DEUP1: variants seen among roughly 807,000 people sequenced by gnomAD.
DEUP1 encodes the protein deuterosome assembly protein 1.
DEUP1 carries 82 observed loss-of-function variants against 87.4 expected under a neutral mutation model. The observed-to-expected ratio is 0.94, with a 90% CI of 0.78 to 1.13. The LOEUF (loss-of-function observed/expected upper bound fraction) is 1.13. DEUP1 is among the 50% of genes most tolerant of loss of function. The pLI, the probability that DEUP1 is intolerant of heterozygous loss-of-function variation, is 0.00. For missense variants in DEUP1, 663 were observed against 681.5 expected, an observed-to-expected ratio of 0.97 and a Z score of 0.30; for synonymous variants, 214 against 222.7, an observed-to-expected ratio of 0.96 and a Z score of 0.35.
At chr11:93,339,339 C>G (rs937687244) in intron 2 of DEUP1, among the ~76,000 whole-genome samples, 1 of 152,186 alleles carries the variant, frequency 6.6e-6, no homozygotes, top group Non-Finnish European at 1.5e-5. Context: ...GAGCAGCACA[C>G]AGCTAGGTGC....
At chr11:93,352,656 T>G in intron 2 of DEUP1, 2 of 547,248 alleles carry the variant, frequency 3.7e-6, no homozygotes, top group South Asian at 4.6e-5. Flanking sequence ...GAACTTACAG[T>G]TCTACATAGC....
At chr11:93,343,274 T>C (rs919140781) in intron 2 of DEUP1, among the ~76,000 whole-genome samples, 1 of 152,130 alleles carries the variant, frequency 6.6e-6, no homozygotes, top group Non-Finnish European at 1.5e-5. Flanking sequence ...CCAGGTTTAA[T>C]AGAAAAAGGG....
At chr11:93,331,868 AC>A (rs1422806809) in intron 1 of DEUP1, among the ~76,000 whole-genome samples, 1 of 151,934 alleles carries the variant, frequency 6.6e-6, no homozygotes, top group Admixed American at 6.6e-5. Flanking sequence ...AACATGCGAA[AC>A]CCCGTCCCTA....
At chr11:93,356,081 T>C (rs1944881509) in intron 3 of DEUP1, among the ~76,000 whole-genome samples, 1 of 152,118 alleles carries the variant, frequency 6.6e-6, no homozygotes, top group African/African-American at 2.4e-5. Flanking sequence ...TAGAAGAATA[T>C]ATGAGTGCTC....
Position 93,396,182 on chromosome 11 carries a change from T to C in DEUP1, c.1240-57T>C, listed in dbSNP as rs188912801. The C allele has an allele frequency of 2.9e-3, 3,122 of 1,083,186 alleles. 8 individuals are homozygous for C. Among genetic ancestry groups the C allele is most frequent in the Non-Finnish European group, 3.8e-3 (2,821 of 741,728 alleles). 67.1% of individuals were successfully genotyped at this position (1,083,186 alleles called of 1,614,324 possible). ...TTGTATTCACAAGACAAAATTTTAA[T>C]AGAATTATGAGTTTTTATTATGAAT... On this transcript the variant is annotated intron_variant, in intron 10 of 13. Transcript: ENST00000298050.
chr11:93,394,667 A>C lies in DEUP1; in HGVS notation c.1239+11A>C, dbSNP rs1040416131. 10 of 1,593,352 alleles carry C rather than the reference A, an allele frequency of 6.3e-6. No homozygotes were observed. The African/African-American group carries it at 1.3e-4, about 21-fold the overall frequency. ...TTAGCAAAACAAAAGGTATGCAAGCAGGCAGAATAGCACTTGTCTAGGGCA... is the reference window on the plus strand; with the variant it reads ...TTAGCAAAACAAAAGGTATGCAAGCCGGCAGAATAGCACTTGTCTAGGGCA... On this transcript the variant is annotated intron_variant, in intron 10 of 13. Coordinates refer to ENST00000298050, the MANE Select transcript of DEUP1 (RefSeq NM_181645.4).
intron 12 of DEUP1, among the ~76,000 whole-genome samples, chr11:93,409,821 A>G (rs971739674): frequency 1.3e-5 from 2 of 152,212 alleles, no homozygotes; most frequent in African/African-American, 4.8e-5. Flanking sequence ...CACAACTTGT[A>G]GTTCCATAAA....
intron 2 of DEUP1, among the ~76,000 whole-genome samples, chr11:93,337,501 T>G (rs1482725089): frequency 6.6e-6 from 1 of 152,198 alleles, no homozygotes; most frequent in Non-Finnish European, 1.5e-5. Flanking sequence ...ACCCCCTTAC[T>G]CTCCCTCTCT....
chr11:93,433,855 CA>C (rs1339446607), intron 13 of DEUP1, among the ~76,000 whole-genome samples: 1 of 152,154 alleles, frequency 6.6e-6, no homozygotes, highest in Non-Finnish European at 1.5e-5. Context: ...TGAATTGCAC[CA>C]CAGCATTTGT....
chr11:93,355,257 A>G, intron 2 of DEUP1, 114 bp from the exon 3 acceptor site: 1 of 961,570 alleles, frequency 1.0e-6, no homozygotes, highest in African/African-American at 1.6e-5. Flanking sequence ...TCCTATTTAA[A>G]TAATTGAACA....
chr11:93,359,165 C>T (rs1945041837), intron 4 of DEUP1, among the ~76,000 whole-genome samples: 1 of 152,164 alleles, frequency 6.6e-6, no homozygotes, highest in African/African-American at 2.4e-5. Flanking sequence ...AAAATGGTAT[C>T]TTGTGGCTAA....
chr11:93,333,289 G>A (rs1331121352), intron 2 of DEUP1, among the ~76,000 whole-genome samples: 1 of 152,084 alleles, frequency 6.6e-6, no homozygotes, highest in Non-Finnish European at 1.5e-5. Context: ...CAAGATACAC[G>A]GACCAGGATT....
chr11:93,337,711 T>A (rs3019215), intron 2 of DEUP1, among the ~76,000 whole-genome samples: 151,397 of 152,274 alleles, frequency 0.99, 75,270 homozygotes, highest in East Asian at 1. Context: ...TAAATGCATG[T>A]TTTTGAAAGG....
chr11:93,364,296 T>C lies in DEUP1; in HGVS notation c.432+2T>C. The C allele has an allele frequency of 6.2e-7, 1 of 1,605,284 alleles. No individual in the cohort carries two copies. ...AGCAATTTGAACCAGAAATTAGAGG[T>C]GAGATATATTATCTTAGTTTCTTCA... On this transcript the variant is annotated splice_donor_variant, in intron 5 of 13. Transcript: ENST00000298050. LOFTEE classifies it high-confidence loss of function.
At chr11:93,359,351 AT>A (rs1352290087) in intron 4 of DEUP1, among the ~76,000 whole-genome samples, 13 of 144,420 alleles carry the variant, frequency 9.0e-5, no homozygotes, top group East Asian at 3.9e-4. Context: ...AAAAGGAGTT[AT>A]TTTTTTTCCT....
chr11:93,436,757 C>T (rs1462228776), intron 13 of DEUP1, among the ~76,000 whole-genome samples: 1 of 152,136 alleles, frequency 6.6e-6, no homozygotes, highest in Non-Finnish European at 1.5e-5. Context: ...AAGAATATAG[C>T]AACCACAGAA....
intron 11 of DEUP1, among the ~76,000 whole-genome samples, chr11:93,400,012 G>A (rs192713886): frequency 9.2e-5 from 14 of 152,042 alleles, no homozygotes; most frequent in Non-Finnish European, 1.6e-4. Context: ...ATTAAGAATT[G>A]CTGCTGGTTT....
At chr11:93,393,975 G>C (rs12292876) in intron 9 of DEUP1, among the ~76,000 whole-genome samples, 37,172 of 152,070 alleles carry the variant, frequency 0.24, 4,980 homozygotes, top group Middle Eastern at 0.38. Flanking sequence ...GAAGTTTACT[G>C]TAATGTGATT....
chr11:93,419,778 G>C (rs1221927520), intron 13 of DEUP1, among the ~76,000 whole-genome samples: 2 of 150,684 alleles, frequency 1.3e-5, no homozygotes. Flanking sequence ...CTTTATGTTG[G>C]CATGAGAAAT....
Sources: allele counts gnomAD v4.1 joint callset (sites outside exome capture counted in the v4.1 genomes callset), GRCh38; gene constraint gnomAD v4.1.1; transcripts MANE v1.5; gene names NCBI Gene and HGNC (gene_info 2026-07-23, HGNC 2026-07-21).